Variants in TANC2 observed in about 807,000 individuals in gnomAD.
The protein encoded by TANC2 is protein TANC2.
A neutral mutation model predicts 210.5 loss-of-function variants in TANC2; 26 were observed. The ratio of observed to expected loss-of-function variants is 0.12; its 90% CI spans 0.09 to 0.17. The LOEUF is 0.17. TANC2 is among the 10% of genes least tolerant of loss of function. The pLI, the probability that TANC2 is intolerant of heterozygous loss-of-function variation, is 1.00. For synonymous variants in TANC2, 931 were observed against 967.1 expected (o/e 0.96, Z 0.69); for missense variants, 2,129 against 2,608.9 (o/e 0.82, Z 4.01).
intron 7 of TANC2, among the ~76,000 whole-genome samples, chr17:63,220,790 A>G (rs368094950): frequency 2.0e-5 from 3 of 147,524 alleles, no homozygotes; most frequent in East Asian, 2.0e-4. Flanking sequence ...GTATGTGTAT[A>G]TATGTATATA....
intron 12 of TANC2, among the ~76,000 whole-genome samples, chr17:63,345,619 C>CAAAAA (rs752643075): frequency 3.0e-4 from 26 of 86,584 alleles, no homozygotes; most frequent in African/African-American, 9.6e-4. Flanking sequence ...AATTCTGTCT[C>CAAAAA]AAAAAAAAAA....
At chr17:63,157,928 G>A (rs1457369942) in intron 5 of TANC2, among the ~76,000 whole-genome samples, 1 of 151,958 alleles carries the variant, frequency 6.6e-6, no homozygotes, top group African/African-American at 2.4e-5. Context: ...AATGTTTTAT[G>A]TTGACTTTTT....
chr17:63,178,348 A>G (rs541804966), intron 5 of TANC2, among the ~76,000 whole-genome samples: 11 of 152,126 alleles, frequency 7.2e-5, no homozygotes, highest in African/African-American at 2.6e-4. Flanking sequence ...AAAACACAAA[A>G]AACTGCCCTA....
intron 7 of TANC2, among the ~76,000 whole-genome samples, chr17:63,237,248 C>T (rs143157626): frequency 3.9e-5 from 6 of 152,054 alleles, no homozygotes; most frequent in Non-Finnish European, 7.4e-5. Context: ...TTTTCATGTA[C>T]ATGGCCATTT....
At chr17:63,052,618 T>A (rs568470957) in intron 2 of TANC2, among the ~76,000 whole-genome samples, 2 of 152,332 alleles carry the variant, frequency 1.3e-5, no homozygotes, top group Admixed American at 1.3e-4. Flanking sequence ...TACCAGGTAG[T>A]AAGTGTTAAC....
intron 3 of TANC2, among the ~76,000 whole-genome samples, chr17:63,078,748 G>A (rs1424646469): frequency 6.6e-6 from 1 of 152,064 alleles, no homozygotes; most frequent in African/African-American, 2.4e-5. Context: ...GTGATCAGAG[G>A]ACAAACTTTC....
chr17:63,126,986 T>G (rs1272170495), intron 4 of TANC2, among the ~76,000 whole-genome samples: 1 of 152,212 alleles, frequency 6.6e-6, no homozygotes, highest in African/African-American at 2.4e-5. Context: ...TGCTGATATA[T>G]AAGGTACTGC....
chr17:62,989,322 C>T (rs892376538), intron 1 of TANC2, among the ~76,000 whole-genome samples: 18 of 152,176 alleles, frequency 1.2e-4, no homozygotes, highest in East Asian at 5.8e-4. Context: ...AGATTTGAGG[C>T]GGCATTGCCA....
intron 9 of TANC2, among the ~76,000 whole-genome samples, chr17:63,277,010 C>T (rs2043897631): frequency 6.6e-6 from 1 of 152,284 alleles, no homozygotes; most frequent in Middle Eastern, 3.4e-3. Context: ...AATATTTCAG[C>T]AGGAGCTGTG....
exon 26 of TANC2, chr17:63,415,591 G>A: frequency 6.2e-7 from 1 of 1,613,862 alleles, no homozygotes; most frequent in Non-Finnish European, 8.5e-7. Flanking sequence ...CCCTAGAGAA[G>A]GGTTTGGTGA....
intron 5 of TANC2, among the ~76,000 whole-genome samples, chr17:63,161,921 A>C (rs565953639): frequency 6.6e-6 from 1 of 152,074 alleles, no homozygotes; most frequent in Non-Finnish European, 1.5e-5. Flanking sequence ...TCACCTTTTC[A>C]TTGAGACTTT....
chr17:63,079,613 C>T (rs1486673624), intron 3 of TANC2, among the ~76,000 whole-genome samples: 1 of 152,198 alleles, frequency 6.6e-6, no homozygotes, highest in African/African-American at 2.4e-5. Flanking sequence ...TCATTCAGAA[C>T]AAACGCTAGC....
chr17:63,009,678 C>CT, intron 2 of TANC2, 52 bp downstream of exon 2: 1 of 1,484,728 alleles, frequency 6.7e-7, no homozygotes, highest in Admixed American at 1.7e-5. Context: ...AATACAAGTT[C>CT]TTTTAGGGTC....
chr17:62,989,574 A>G (rs910822518), intron 1 of TANC2, among the ~76,000 whole-genome samples: 2 of 152,186 alleles, frequency 1.3e-5, no homozygotes, highest in African/African-American at 2.4e-5. Context: ...GGGAAGGCGA[A>G]TGATGCAGGA....
chr17:63,161,703 A>G (rs934482762), intron 5 of TANC2, among the ~76,000 whole-genome samples: 4 of 152,224 alleles, frequency 2.6e-5, no homozygotes, highest in African/African-American at 9.6e-5. Context: ...CTTTGTTGGT[A>G]TTCTCATTCA....
At chr17:63,257,918 C>A (rs997918307) in intron 8 of TANC2, among the ~76,000 whole-genome samples, 4 of 152,146 alleles carry the variant, frequency 2.6e-5, no homozygotes, top group Admixed American at 2.0e-4. Context: ...ATCACAATTA[C>A]AGTGGTCTGT....
chr17:63,233,159 C>T (rs1269088151), intron 7 of TANC2, among the ~76,000 whole-genome samples: 1 of 152,218 alleles, frequency 6.6e-6, no homozygotes, highest in African/African-American at 2.4e-5. Context: ...TGCCCCTCTT[C>T]CCAGGAGCTC....
intron 3 of TANC2, among the ~76,000 whole-genome samples, chr17:63,081,592 T>A (rs2036772230): frequency 6.6e-6 from 1 of 152,232 alleles, no homozygotes; most frequent in Admixed American, 6.5e-5. Context: ...AAATTCTTAA[T>A]TTCTTAAAAT....
chr17:63,190,218 T>TA (rs1486194185), intron 5 of TANC2, among the ~76,000 whole-genome samples: 1 of 152,120 alleles, frequency 6.6e-6, no homozygotes, highest in African/African-American at 2.4e-5. Flanking sequence ...TGCATACCTG[T>TA]AGCCCTAGCT....
Sources: allele counts gnomAD v4.1 joint callset (sites outside exome capture counted in the v4.1 genomes callset), GRCh38; gene constraint gnomAD v4.1.1; transcripts MANE v1.5; gene names NCBI Gene and HGNC (gene_info 2026-07-23, HGNC 2026-07-21).